Variants in ADAMTS12 observed in about 807,000 individuals in gnomAD.
The protein encoded by ADAMTS12 is ADAM metallopeptidase with thrombospondin type 1 motif 12.
Under a neutral mutation model 167.8 loss-of-function variants are expected in ADAMTS12, and 118 were observed. The observed-to-expected ratio is 0.70, with a 90% CI of 0.61 to 0.82. The LOEUF (loss-of-function observed/expected upper bound fraction) is 0.82, where lower values mean the gene tolerates loss of function less well. ADAMTS12 is among the 40% of genes least tolerant of loss of function. The pLI, the probability that ADAMTS12 is intolerant of heterozygous loss-of-function variation, is 0.00. For synonymous variants in ADAMTS12, 704 were observed against 716.9 expected, an observed-to-expected ratio of 0.98 and a Z score of 0.29; for missense variants, 1,916 against 1,998.8, an observed-to-expected ratio of 0.96 and a Z score of 0.79.
chr5:33,840,704 T>C (rs1236392696), intron 2 of ADAMTS12, among the ~76,000 whole-genome samples: 1 of 152,230 alleles, frequency 6.6e-6, no homozygotes, highest in East Asian at 1.9e-4. Flanking sequence ...GCAGCCTTAC[T>C]TACTGCAGCC....
At chr5:33,699,502 G>A (rs2071688266) in intron 3 of ADAMTS12, among the ~76,000 whole-genome samples, 1 of 151,962 alleles carries the variant, frequency 6.6e-6, no homozygotes, top group Non-Finnish European at 1.5e-5. Context: ...TTGGGATGAA[G>A]GACTAGGCCA....
At chr5:33,878,615 AC>A (rs1750314943) in intron 2 of ADAMTS12, among the ~76,000 whole-genome samples, 1 of 152,168 alleles carries the variant, frequency 6.6e-6, no homozygotes, top group African/African-American at 2.4e-5. Flanking sequence ...CAGTGGTTGC[AC>A]CCCTGGTTGC....
chr5:33,800,281 G>A (rs1746949109), intron 2 of ADAMTS12, among the ~76,000 whole-genome samples: 2 of 152,190 alleles, frequency 1.3e-5, no homozygotes, highest in Admixed American at 1.3e-4. Context: ...GGAGTAGTAA[G>A]GGAGTATAAC....
At chr5:33,688,423 G>A (rs192468046) in intron 3 of ADAMTS12, among the ~76,000 whole-genome samples, 2 of 93,172 alleles carry the variant, frequency 2.1e-5, no homozygotes, top group Admixed American at 1.9e-4. Flanking sequence ...GAGGTGCTCA[G>A]GATACCTGAC....
At chr5:33,632,119 A>C (rs1739970568) in intron 12 of ADAMTS12, among the ~76,000 whole-genome samples, 1 of 152,186 alleles carries the variant, frequency 6.6e-6, no homozygotes, top group South Asian at 2.1e-4. Context: ...TTTAAAGCTT[A>C]AAAGAGATAA....
chr5:33,873,849 T>C (rs184680697), intron 2 of ADAMTS12, among the ~76,000 whole-genome samples: 1 of 152,242 alleles, frequency 6.6e-6, no homozygotes, highest in African/African-American at 2.4e-5. Context: ...CAAATGAACA[T>C]TCACAGGCAA....
At position 33,578,266 on chromosome 5, in the gene ADAMTS12, T is replaced by C. The variant is rs182523993; in HGVS notation, c.2866-1106A>G. On this transcript the variant is annotated intron_variant, in intron 18 of 23. Coordinates refer to ENST00000504830, the MANE Select transcript of ADAMTS12 (RefSeq NM_030955.4). Reference sequence around the variant, plus strand: ...AAAGGGCTGCGCAAACATTATTCTGTGTGATATACATGACGTCCCTATGAG... The same window carrying C: ...AAAGGGCTGCGCAAACATTATTCTGCGTGATATACATGACGTCCCTATGAG... Among the ~76,000 whole-genome samples, 146 of 152,280 alleles carry C rather than the reference T, an allele frequency of 9.6e-4. 1 individual carries two copies. The highest frequency in any genetic ancestry group is 3.2e-3 in the African/African-American group (134 of 41,540).
chr5:33,709,895 C>A (rs1489296633), intron 3 of ADAMTS12, among the ~76,000 whole-genome samples: 1 of 152,088 alleles, frequency 6.6e-6, no homozygotes, highest in Non-Finnish European at 1.5e-5. Flanking sequence ...AAAATCCAAT[C>A]TACCATGAAA....
chr5:33,778,442 A>G lies in ADAMTS12; in HGVS notation c.490-26894T>C, dbSNP rs75672780. ...CAGGGTAAAGACAGTCTCTTCAATA[A>G]ATGGTGTTGGGAAGACTGGATATGC... On this transcript the variant is annotated intron_variant, in intron 2 of 23. Coordinates refer to ENST00000504830, the MANE Select transcript of ADAMTS12 (RefSeq NM_030955.4). Among the ~76,000 whole-genome samples the G allele has an allele frequency of 5.8e-3, 885 of 152,300 alleles. 6 individuals carry two copies. The highest frequency in any genetic ancestry group is 0.02 in the African/African-American group (824 of 41,558).
intron 13 of ADAMTS12, among the ~76,000 whole-genome samples, chr5:33,626,793 G>T (rs934065354): frequency 6.0e-5 from 9 of 149,834 alleles, no homozygotes; most frequent in African/African-American, 2.2e-4. Flanking sequence ...GGTGGTGGTG[G>T]TGATGCGGTA....
intron 2 of ADAMTS12, among the ~76,000 whole-genome samples, chr5:33,812,741 G>C (rs781207625): frequency 6.6e-6 from 1 of 152,136 alleles, no homozygotes; most frequent in Non-Finnish European, 1.5e-5. Context: ...TCTATTGTTT[G>C]AATACATCAC....
intron 3 of ADAMTS12, among the ~76,000 whole-genome samples, chr5:33,708,721 T>G (rs1291172570): frequency 6.6e-6 from 1 of 152,116 alleles, no homozygotes; most frequent in Non-Finnish European, 1.5e-5. Flanking sequence ...CCACATGTTC[T>G]CACTTATAAG....
chr5:33,746,993 A>G (rs1744812925), intron 3 of ADAMTS12, among the ~76,000 whole-genome samples: 1 of 152,162 alleles, frequency 6.6e-6, no homozygotes, highest in Non-Finnish European at 1.5e-5. Context: ...CTACTGCATG[A>G]GCCAATTTCT....
intron 2 of ADAMTS12, among the ~76,000 whole-genome samples, chr5:33,808,229 G>T (rs1050084332): frequency 6.6e-6 from 1 of 152,192 alleles, no homozygotes; most frequent in African/African-American, 2.4e-5. Flanking sequence ...TGGGGAGCAG[G>T]GCCTGGGAAA....
chr5:33,838,669 G>A (rs1445898852), intron 2 of ADAMTS12, among the ~76,000 whole-genome samples: 3 of 152,050 alleles, frequency 2.0e-5, no homozygotes, highest in East Asian at 3.9e-4. Flanking sequence ...GTGACAAAGC[G>A]AGACTCTGTC....
chr5:33,815,964 C>A (rs2112494523), intron 2 of ADAMTS12, among the ~76,000 whole-genome samples: 2 of 152,318 alleles, frequency 1.3e-5, no homozygotes, highest in Middle Eastern at 6.8e-3. Context: ...TGGTCTCCGT[C>A]TGCAAATTCA....
chr5:33,672,320 C>A (rs979740034), intron 5 of ADAMTS12, among the ~76,000 whole-genome samples: 7 of 145,336 alleles, frequency 4.8e-5, no homozygotes, highest in Non-Finnish European at 1.1e-4. Context: ...ACACACAGAT[C>A]CACATACACA....
At chr5:33,573,943 A>G (rs569608948) in intron 19 of ADAMTS12, among the ~76,000 whole-genome samples, 4 of 152,382 alleles carry the variant, frequency 2.6e-5, no homozygotes, top group Non-Finnish European at 4.4e-5. Flanking sequence ...AAAGGATATG[A>G]GCAGATACTT....
intron 14 of ADAMTS12, among the ~76,000 whole-genome samples, chr5:33,620,050 T>C (rs1256080361): frequency 1.3e-5 from 2 of 152,202 alleles, no homozygotes; most frequent in East Asian, 3.8e-4. Context: ...ATGCCTTTCC[T>C]ATAGCAGTCC....
Sources: allele counts gnomAD v4.1 joint callset (sites outside exome capture counted in the v4.1 genomes callset), GRCh38; gene constraint gnomAD v4.1.1; transcripts MANE v1.5; gene names NCBI Gene and HGNC (gene_info 2026-07-23, HGNC 2026-07-21).